The following RTTN variants were observed in gnomAD, a reference collection of about 807,000 sequenced individuals.
The protein encoded by RTTN is rotatin.
RTTN carries 182 observed loss-of-function variants against 269.2 expected under a neutral mutation model. That is an observed-to-expected ratio of 0.68 (90% CI 0.60 to 0.76). The LOEUF is 0.76. Among genes scored for constraint, RTTN ranks in the 30% least tolerant of loss-of-function variants. RTTN has a pLI of 0.00. For synonymous variants in RTTN, 1,006 were observed against 963.5 expected, an observed-to-expected ratio of 1.04 and a Z score of -0.82; for missense variants, 2,545 against 2,608.6, an observed-to-expected ratio of 0.98 and a Z score of 0.53.
At chr18:70,020,957 T>G in intron 44 of RTTN, 140 bp from the exon 45 acceptor site, 1 of 643,136 alleles carries the variant, frequency 1.6e-6, no homozygotes, top group Non-Finnish European at 2.7e-6. Context: ...TGGAGGCTAA[T>G]GTTGGTGTCT....
At chr18:70,044,089 G>T (rs1039343479) in intron 40 of RTTN, among the ~76,000 whole-genome samples, 1 of 152,118 alleles carries the variant, frequency 6.6e-6, no homozygotes, top group Non-Finnish European at 1.5e-5. Context: ...AGTGATGTAG[G>T]GTATTCTAGG....
chr18:70,139,784 A>G lies in RTTN; in HGVS notation c.2671-68T>C. 3 of 901,006 alleles carry G rather than the reference A, an allele frequency of 3.3e-6. No individual in the cohort carries two copies. In the South Asian group the frequency reaches 4.5e-5, roughly 14 times the overall value. The allele number at this position is 901,006 out of a possible 1,614,324, so 55.8% of individuals were successfully genotyped here. A position where few individuals can be genotyped will look rare whatever the true frequency, so the allele number is the denominator to read the frequency against. On this transcript the variant is annotated intron_variant, in intron 20 of 48. Coordinates refer to ENST00000640769, the MANE Select transcript of RTTN (RefSeq NM_173630.4). ...ATCAGGTGAGATCAAACAGACCATAATATTATCTTACTCTAAATTTTATGC... is the reference window on the plus strand; with the variant it reads ...ATCAGGTGAGATCAAACAGACCATAGTATTATCTTACTCTAAATTTTATGC...
intron 21 of RTTN, chr18:70,138,870 T>C (rs1003058672): frequency 6.6e-6 from 1 of 152,078 alleles, no homozygotes; most frequent in African/African-American, 2.4e-5. Context: ...ATGAAGCACA[T>C]TCAGATGCTT....
chr18:70,021,852 TCAACAG>T (rs1440256128), intron 44 of RTTN, among the ~76,000 whole-genome samples: 1 of 152,144 alleles, frequency 6.6e-6, no homozygotes, highest in East Asian at 1.9e-4. Flanking sequence ...GAATAAGCCA[TCAACAG>T]CATCTGGCAG....
At chr18:70,013,198 T>A (rs1411670701) in intron 46 of RTTN, among the ~76,000 whole-genome samples, 1 of 152,216 alleles carries the variant, frequency 6.6e-6, no homozygotes, top group Non-Finnish European at 1.5e-5. Context: ...TTAGGGCACA[T>A]CAAATGTCCC....
chr18:70,152,735 C>T (rs2060571133), intron 14 of RTTN, among the ~76,000 whole-genome samples: 1 of 152,060 alleles, frequency 6.6e-6, no homozygotes, highest in South Asian at 2.1e-4. Flanking sequence ...GTAATACCTC[C>T]TAAATTCATT....
At chr18:70,012,183 G>A (rs2056399801) in intron 46 of RTTN, among the ~76,000 whole-genome samples, 1 of 149,522 alleles carries the variant, frequency 6.7e-6, no homozygotes, top group Non-Finnish European at 1.5e-5. Context: ...AGAGGGCAGG[G>A]TCTGCTCACT....
chr18:70,071,030 T>C (rs1210511646), intron 34 of RTTN, among the ~76,000 whole-genome samples: 5 of 152,196 alleles, frequency 3.3e-5, no homozygotes, highest in African/African-American at 1.2e-4. Flanking sequence ...GTCCCTTGAC[T>C]ACACCATCTT....
At chr18:70,041,872 T>C (rs2057350955) in intron 40 of RTTN, among the ~76,000 whole-genome samples, 1 of 151,918 alleles carries the variant, frequency 6.6e-6, no homozygotes, top group Non-Finnish European at 1.5e-5. Flanking sequence ...AGGAAAGAGA[T>C]CAGAAGACCA....
chr18:70,076,362 C>T (rs1279617282), intron 32 of RTTN, among the ~76,000 whole-genome samples: 1 of 151,892 alleles, frequency 6.6e-6, no homozygotes, highest in Non-Finnish European at 1.5e-5. Context: ...TAAGAGCCAA[C>T]AGGAAAGATA....
chr18:70,034,043 T>C (rs150296159), intron 40 of RTTN, among the ~76,000 whole-genome samples: 83 of 152,038 alleles, frequency 5.5e-4, no homozygotes, highest in African/African-American at 1.7e-3. Flanking sequence ...AACAATGAGC[T>C]CTAAAATGGA....
chr18:70,076,332 A>G (rs991983629), intron 32 of RTTN, among the ~76,000 whole-genome samples: 23 of 152,086 alleles, frequency 1.5e-4, no homozygotes, highest in African/African-American at 5.3e-4. Context: ...GAGAAAAATA[A>G]AAGATAGCAA....
In RTTN at chr18:70,004,108, C is replaced by A; in HGVS notation, c.*43G>T. The A allele has an allele frequency of 6.8e-7, 1 of 1,480,814 alleles. No individual in the cohort carries two copies. The highest frequency in any genetic ancestry group is 1.1e-5 in the South Asian group (1 of 87,982). The allele number at this position is 1,480,814 out of a possible 1,614,324, so 91.7% of individuals were successfully genotyped here. ...ACAGCTGGCTTCAACTTTAGCTCCC[C>A]TGTTGATGACTGTCAGCTTCAAGGT... On this transcript the variant is annotated 3_prime_UTR_variant, in exon 49 of 49. Coordinates refer to ENST00000640769, the MANE Select transcript of RTTN (RefSeq NM_173630.4).
At chr18:70,019,066 G>T (rs1255021974) in intron 45 of RTTN, among the ~76,000 whole-genome samples, 2 of 152,120 alleles carry the variant, frequency 1.3e-5, no homozygotes, top group Non-Finnish European at 2.9e-5. Flanking sequence ...AGCAGAGGAA[G>T]TCTCAGGCAT....
chr18:70,109,212 G>A (rs1250644089), intron 28 of RTTN, among the ~76,000 whole-genome samples: 1 of 152,118 alleles, frequency 6.6e-6, no homozygotes, highest in Non-Finnish European at 1.5e-5. Flanking sequence ...ATACTTACTG[G>A]TTGAGCATTC....
rs572793134 is a variant in RTTN, at chr18:70,121,606, T to A, written c.3478A>T (p.Asn1160Tyr). Residue 1160 changes from asparagine to tyrosine, a missense_variant, in exon 26 of 49, where the codon AAT (asparagine) becomes TAT (tyrosine). Physicochemically the swap from Asn to Tyr is moderately radical, Grantham distance 143 (BLOSUM62 -2). Coordinates refer to ENST00000640769, the MANE Select transcript of RTTN (RefSeq NM_173630.4). ...CAGTTTAGAAGTTCTAGTGAAGAAT[T>A]TTTTCTTTGTTCCTTTATTAATTTA... ...LNKLIKEQRKNSSLELLNWIL... is the reference protein window; with the variant it reads ...LNKLIKEQRKYSSLELLNWIL... 2 of 1,582,282 alleles carry A rather than the reference T, an allele frequency of 1.3e-6. No homozygotes were observed. Among genetic ancestry groups the A allele is most frequent in the East Asian group, 4.5e-5 (2 of 43,996 alleles).
intron 40 of RTTN, among the ~76,000 whole-genome samples, chr18:70,043,819 A>T (rs891019196): frequency 2.0e-5 from 3 of 152,260 alleles, no homozygotes; most frequent in African/African-American, 7.2e-5. Flanking sequence ...CTGACTTTCT[A>T]TCAGTTTCCA....
chr18:70,065,300 AT>A (rs1180943508), intron 35 of RTTN, among the ~76,000 whole-genome samples: 1 of 150,800 alleles, frequency 6.6e-6, no homozygotes, highest in East Asian at 1.9e-4. Context: ...AAAGTTGCAA[AT>A]TTGAAGCACA....
intron 25 of RTTN, among the ~76,000 whole-genome samples, chr18:70,125,781 A>T (rs2059849135): frequency 6.6e-6 from 1 of 152,050 alleles, no homozygotes; most frequent in African/African-American, 2.4e-5. Context: ...CAAAAAGATA[A>T]TGTTCCTTTC....
Sources: gnomAD v4.1 joint callset for allele counts (sites outside exome capture counted in the v4.1 genomes callset) on GRCh38, gnomAD v4.1.1 for gene constraint, MANE v1.5 for transcripts, NCBI Gene and HGNC (gene_info 2026-07-23, HGNC 2026-07-21) for gene names.